STARD3NL: variants seen among roughly 807,000 people sequenced by gnomAD.
The protein encoded by STARD3NL is STARD3 N-terminal-like protein.
STARD3NL carries 17 observed loss-of-function variants against 30.9 expected under a neutral mutation model. The ratio of observed to expected loss-of-function variants is 0.55; its 90% confidence interval spans 0.38 to 0.82. The LOEUF is 0.82. STARD3NL is among the 40% of genes least tolerant of loss of function. The pLI, the probability that STARD3NL is intolerant of heterozygous loss-of-function variation, is 0.00. For synonymous variants in STARD3NL, 112 were observed against 100.5 expected (o/e 1.11, Z -0.69); for missense variants, 234 against 277.6 (o/e 0.84, Z 1.12).
chr7:38,193,260 GTCC>G (rs1487044840), intron 1 of STARD3NL, among the ~76,000 whole-genome samples: 9 of 151,046 alleles, frequency 6.0e-5, no homozygotes, highest in East Asian at 2.0e-4. Flanking sequence ...AGAAATGTCT[GTCC>G]TCCTATTAGG....
At chr7:38,187,036 A>G (rs1039937564) in intron 1 of STARD3NL, among the ~76,000 whole-genome samples, 22 of 152,066 alleles carry the variant, frequency 1.4e-4, no homozygotes, top group African/African-American at 4.3e-4. Flanking sequence ...AAAAAAAAAA[A>G]AGAGAAACAA....
chr7:38,184,370 A>G (rs1253972191), intron 1 of STARD3NL, among the ~76,000 whole-genome samples: 1 of 152,000 alleles, frequency 6.6e-6, no homozygotes, highest in Non-Finnish European at 1.5e-5. Flanking sequence ...TTATAAAGAA[A>G]AGAGGTTTAA....
rs1404395755 is a variant in STARD3NL, at chr7:38,201,545, T to A, written c.-58-5902T>A. On this transcript the variant is annotated intron_variant, in intron 1 of 8. Transcript: ENST00000009041. ...GAATTCGTTCAATTTTCTGTACATA[T>A]TAGTGAATTTAATAATTTAAATTAA... Among the ~76,000 whole-genome samples, 3 of 152,300 alleles carry A rather than the reference T, an allele frequency of 2.0e-5. No homozygotes were observed. The East Asian group carries it at 5.8e-4, about 29-fold the overall frequency.
At chr7:38,219,902 G>C (rs1440160169) in intron 7 of STARD3NL, among the ~76,000 whole-genome samples, 1 of 152,130 alleles carries the variant, frequency 6.6e-6, no homozygotes, top group Non-Finnish European at 1.5e-5. Flanking sequence ...TATCTTAGAA[G>C]ACACACAGAC....
intron 1 of STARD3NL, among the ~76,000 whole-genome samples, chr7:38,191,401 T>G (rs1007262083): frequency 2.0e-5 from 3 of 152,250 alleles, no homozygotes; most frequent in Non-Finnish European, 4.4e-5. Context: ...AGCCCCTTCA[T>G]GACAGCCTAC....
intron 7 of STARD3NL, among the ~76,000 whole-genome samples, chr7:38,220,146 T>G (rs748499745): frequency 6.6e-6 from 1 of 152,196 alleles, no homozygotes; most frequent in South Asian, 2.1e-4. Flanking sequence ...ATCCTGCCAC[T>G]TCTTATCAGC....
At chr7:38,218,975 G>A (rs903278583) in intron 6 of STARD3NL, among the ~76,000 whole-genome samples, 5 of 152,112 alleles carry the variant, frequency 3.3e-5, no homozygotes, top group African/African-American at 1.2e-4. Flanking sequence ...AACTGACCAT[G>A]TTTTTTATTT....
chr7:38,207,142 A>T (rs1165228780), intron 1 of STARD3NL, among the ~76,000 whole-genome samples: 4 of 152,164 alleles, frequency 2.6e-5, no homozygotes, highest in Non-Finnish European at 4.4e-5. Context: ...GTTCACCAAG[A>T]GGTTTGGTCC....
At chr7:38,228,703 G>A (rs888810434) in intron 7 of STARD3NL, 96 bp from the exon 8 acceptor site, 4 of 962,798 alleles carry the variant, frequency 4.2e-6, no homozygotes, top group Admixed American at 4.5e-5. Context: ...ATGTTTTTAT[G>A]TGTATATGTT....
At chr7:38,226,162 T>TTG (rs912059728) in intron 7 of STARD3NL, among the ~76,000 whole-genome samples, 2 of 150,400 alleles carry the variant, frequency 1.3e-5, no homozygotes, top group African/African-American at 4.9e-5. Flanking sequence ...GTTTTTTTTT[T>TTG]TTTTTTTTTT....
intron 2 of STARD3NL, 105 bp from the exon 3 acceptor site, chr7:38,214,252 C>G (rs1785974063): frequency 5.8e-6 from 4 of 694,666 alleles, no homozygotes; most frequent in African/African-American, 3.7e-5. Flanking sequence ...TTTAGCATTT[C>G]TGGGTTCTGA....
intron 1 of STARD3NL, among the ~76,000 whole-genome samples, chr7:38,187,555 A>G (rs1022392215): frequency 6.6e-6 from 1 of 152,218 alleles, no homozygotes; most frequent in African/African-American, 2.4e-5. Context: ...ATGGTTTACT[A>G]AAATGGGAAC....
chr7:38,207,972 C>G (rs1198071391), intron 2 of STARD3NL, among the ~76,000 whole-genome samples: 1 of 152,132 alleles, frequency 6.6e-6, no homozygotes, highest in African/African-American at 2.4e-5. Context: ...TGGTATTTTG[C>G]TCTGTAACAG....
At chr7:38,184,497 C>T (rs552775836) in intron 1 of STARD3NL, among the ~76,000 whole-genome samples, 130 of 151,462 alleles carry the variant, frequency 8.6e-4, no homozygotes, top group African/African-American at 2.9e-3. Context: ...ATGGCAAGAG[C>T]GGGAGCAAGA....
In STARD3NL at chr7:38,222,992, G is replaced by A. The variant is rs556497798; in HGVS notation, c.649+3332G>A. Among the ~76,000 whole-genome samples, 7 of 152,238 alleles carry A rather than the reference G, an allele frequency of 4.6e-5. No individual in the cohort carries two copies. The South Asian group carries it at 1.5e-3, about 32-fold the overall frequency. ...GCCTTTCAGTAGCTTGAGGTTCTAA[G>A]CTGCTGTTGCCCTGCTACAGCACTG... On this transcript the variant is annotated intron_variant, in intron 7 of 8. Transcript: ENST00000009041.
chr7:38,191,431 T>C (rs757706078), intron 1 of STARD3NL, among the ~76,000 whole-genome samples: 2 of 152,202 alleles, frequency 1.3e-5, no homozygotes, highest in African/African-American at 2.4e-5. Flanking sequence ...TTAATGGTTA[T>C]AACTTTTTGT....
intron 7 of STARD3NL, among the ~76,000 whole-genome samples, chr7:38,223,911 T>G (rs977830940): frequency 9.9e-5 from 15 of 152,248 alleles, no homozygotes; most frequent in African/African-American, 3.6e-4. Flanking sequence ...AGTGTAATTT[T>G]GGAAGTTTCA....
chr7:38,191,916 A>G (rs1377466303), intron 1 of STARD3NL, among the ~76,000 whole-genome samples: 1 of 151,940 alleles, frequency 6.6e-6, no homozygotes, highest in Non-Finnish European at 1.5e-5. Flanking sequence ...CTATTAAAAA[A>G]AAAAGCATGG....
At chr7:38,224,533 G>C (rs1022227271) in intron 7 of STARD3NL, among the ~76,000 whole-genome samples, 9 of 152,060 alleles carry the variant, frequency 5.9e-5, no homozygotes, top group African/African-American at 2.2e-4. Flanking sequence ...GTTTTTAATT[G>C]TGTGCCGTTC....
Sources: gnomAD v4.1 joint callset for allele counts (sites outside exome capture counted in the v4.1 genomes callset) on GRCh38, gnomAD v4.1.1 for gene constraint, MANE v1.5 for transcripts, NCBI Gene and HGNC (gene_info 2026-07-23, HGNC 2026-07-21) for gene names.